The following LARGE1 variants were observed in gnomAD, a reference collection of about 807,000 sequenced individuals.
LARGE1 encodes the protein xylosyl- and glucuronyltransferase LARGE1.
Under a neutral mutation model 87.6 loss-of-function variants are expected in LARGE1, and 43 were observed. The ratio of observed to expected loss-of-function variants is 0.49; its 90% CI spans 0.38 to 0.63. The LOEUF (loss-of-function observed/expected upper bound fraction) is 0.63, where lower values mean the gene tolerates loss of function less well. Among genes scored for constraint, LARGE1 ranks in the 30% least tolerant of loss-of-function variants. The pLI is 0.00. For synonymous variants in LARGE1, 434 were observed against 394.6 expected (o/e 1.10, Z -1.18); for missense variants, 802 against 1,000.2 (o/e 0.80, Z 2.67).
chr22:33,908,535 T>C lies in LARGE1; in HGVS notation c.-83+11460A>G, dbSNP rs1353512000. ...GATTAAGTTACAGATTGATGATGCA[T>C]GAAATGGGGGGTGGCCAGGGGTGGG... On this transcript the variant is annotated intron_variant, in intron 1 of 14. Transcript: ENST00000397394. 1.2e-4 allele frequency among the ~76,000 whole-genome samples: 13 copies of C among 108,704 alleles called. No homozygotes were observed. In the Admixed American group the frequency reaches 1.6e-3, roughly 13 times the overall value. The allele number at this position is 108,704 out of a possible 152,430, so 71.3% of individuals were successfully genotyped here. A position where few individuals can be genotyped will look rare whatever the true frequency, so the allele number is the denominator to read the frequency against.
intron 3 of LARGE1, among the ~76,000 whole-genome samples, chr22:33,639,442 G>A (rs1476415104): frequency 3.3e-5 from 5 of 152,160 alleles, no homozygotes. Flanking sequence ...TGATTTTTCA[G>A]GTACCAGTGG....
the LARGE1 span, among the ~76,000 whole-genome samples, chr22:33,080,874 C>T: frequency 2.3e-4 from 35 of 152,246 alleles, no homozygotes; most frequent in East Asian, 6.6e-3. Flanking sequence ...AACTTTTCTT[C>T]TATGCCTTAC....
intron 2 of LARGE1, among the ~76,000 whole-genome samples, chr22:33,718,152 A>G (rs1162033459): frequency 1.3e-5 from 2 of 152,184 alleles, no homozygotes; most frequent in African/African-American, 4.8e-5. Context: ...ATTTACTGTC[A>G]CCTGAGGTTC....
At chr22:33,816,280 G>A (rs570552697) in intron 1 of LARGE1, among the ~76,000 whole-genome samples, 1 of 152,254 alleles carries the variant, frequency 6.6e-6, no homozygotes, top group East Asian at 1.9e-4. Flanking sequence ...CTCTTAATTT[G>A]TTCAAGTTGT....
the LARGE1 span, among the ~76,000 whole-genome samples, chr22:33,135,286 T>C: frequency 1.3e-5 from 2 of 152,134 alleles, no homozygotes; most frequent in Admixed American, 1.3e-4. Context: ...GTGCAAAGTT[T>C]CCCTTGCTTC....
At chr22:33,676,436 G>C (rs1025897229) in intron 2 of LARGE1, among the ~76,000 whole-genome samples, 1 of 82,324 alleles carries the variant, frequency 1.2e-5, no homozygotes, top group Non-Finnish European at 2.6e-5. Flanking sequence ...TATAACAATA[G>C]TGATAGATAA....
chr22:33,171,625 G>A (rs1416723385), intron 11 of LARGE1, among the ~76,000 whole-genome samples: 1 of 152,362 alleles, frequency 6.6e-6, no homozygotes, highest in East Asian at 1.9e-4. Flanking sequence ...TGATTCAGAG[G>A]ATGCAAGCCC....
At chr22:33,146,047 G>T in the LARGE1 span, among the ~76,000 whole-genome samples, 6 of 152,082 alleles carry the variant, frequency 3.9e-5, no homozygotes, top group African/African-American at 1.4e-4. Context: ...TTTTTCCCAC[G>T]TCTCTAAGGG....
chr22:33,312,388 C>T (rs543179050), intron 11 of LARGE1, among the ~76,000 whole-genome samples: 5 of 146,098 alleles, frequency 3.4e-5, no homozygotes, highest in Non-Finnish European at 5.9e-5. Flanking sequence ...TGCAGTGAGC[C>T]GAGATTGCAA....
the LARGE1 span, among the ~76,000 whole-genome samples, chr22:33,107,288 A>G: frequency 6.6e-6 from 1 of 152,122 alleles, no homozygotes; most frequent in Non-Finnish European, 1.5e-5. Context: ...ATCACACTGC[A>G]TGCAATGGCT....
At chr22:33,464,613 T>C (rs1601955511) in intron 6 of LARGE1, among the ~76,000 whole-genome samples, 1 of 152,316 alleles carries the variant, frequency 6.6e-6, no homozygotes, top group Non-Finnish European at 1.5e-5. Flanking sequence ...ATACCTAATG[T>C]ATAACCTCAT....
At chr22:33,733,451 A>C (rs1332885236) in intron 2 of LARGE1, 1 of 152,250 alleles carries the variant, frequency 6.6e-6, no homozygotes, top group Admixed American at 6.5e-5. Flanking sequence ...TGAACTTTTT[A>C]ACACATCCAG....
chr22:33,917,807 A>T (rs1187877348), intron 1 of LARGE1, among the ~76,000 whole-genome samples: 1 of 152,184 alleles, frequency 6.6e-6, no homozygotes, highest in African/African-American at 2.4e-5. Flanking sequence ...GAATCCACTC[A>T]CTAGTGCAAG....
At chr22:33,506,468 G>C (rs547259123) in intron 6 of LARGE1, among the ~76,000 whole-genome samples, 3 of 152,144 alleles carry the variant, frequency 2.0e-5, no homozygotes, top group Non-Finnish European at 4.4e-5. Context: ...AATTCCACCC[G>C]GGGAGGAGCT....
intron 6 of LARGE1, among the ~76,000 whole-genome samples, chr22:33,527,955 C>A (rs2071995486): frequency 6.6e-6 from 1 of 152,126 alleles, no homozygotes. Flanking sequence ...CTTAATCTTT[C>A]AGGGTCCCCC....
chr22:33,175,403 A>T (rs1024532747), intron 11 of LARGE1, among the ~76,000 whole-genome samples: 4 of 152,014 alleles, frequency 2.6e-5, no homozygotes, highest in Non-Finnish European at 4.4e-5. Flanking sequence ...TACTTAGAAA[A>T]CCCCATCATC....
intron 1 of LARGE1, among the ~76,000 whole-genome samples, chr22:33,803,867 T>C (rs2086235147): frequency 6.6e-6 from 1 of 152,198 alleles, no homozygotes; most frequent in South Asian, 2.1e-4. Flanking sequence ...CAGAATAAAC[T>C]ATATTGTTTG....
chr22:33,584,006 T>TA (rs1173123614), intron 5 of LARGE1, among the ~76,000 whole-genome samples: 1 of 152,222 alleles, frequency 6.6e-6, no homozygotes, highest in East Asian at 1.9e-4. Flanking sequence ...TCCTGGATGT[T>TA]AGTTTGAGAT....
intron 6 of LARGE1, among the ~76,000 whole-genome samples, chr22:33,556,169 G>T (rs1159268170): frequency 6.6e-6 from 1 of 151,916 alleles, no homozygotes; most frequent in Non-Finnish European, 1.5e-5. Context: ...CCTTTCAAGA[G>T]ACTTTCTACA....
Sources: allele counts gnomAD v4.1 joint callset (sites outside exome capture counted in the v4.1 genomes callset), GRCh38; gene constraint gnomAD v4.1.1; transcripts MANE v1.5; gene names NCBI Gene and HGNC (gene_info 2026-07-23, HGNC 2026-07-21).